The following SLC20A2 variants were observed in gnomAD, a reference collection of about 807,000 sequenced individuals.
The protein encoded by SLC20A2 is sodium-dependent phosphate transporter 2.
A neutral mutation model predicts 61.0 loss-of-function variants in SLC20A2; 30 were observed. The ratio of observed to expected loss-of-function variants is 0.49; its 90% CI spans 0.37 to 0.67. The LOEUF (loss-of-function observed/expected upper bound fraction) is 0.67. SLC20A2 is among the 30% of genes least tolerant of loss of function. The pLI, the probability that SLC20A2 is intolerant of heterozygous loss-of-function variation, is 0.00. For synonymous variants in SLC20A2, 351 were observed against 353.3 expected (o/e 0.99, Z 0.07); for missense variants, 626 against 866.4 (o/e 0.72, Z 3.48).
chr8:42,469,041 C>G (rs553937660), intron 2 of SLC20A2, among the ~76,000 whole-genome samples: 1 of 152,038 alleles, frequency 6.6e-6, no homozygotes, highest in African/African-American at 2.4e-5. Context: ...GAAGCACAGA[C>G]GCCCAGGGGC....
At chr8:42,458,063 C>A (rs1806353130) in intron 5 of SLC20A2, among the ~76,000 whole-genome samples, 1 of 152,052 alleles carries the variant, frequency 6.6e-6, no homozygotes, top group Non-Finnish European at 1.5e-5. Context: ...AGAGAGGGAG[C>A]CTTTTCTGTC....
chr8:42,468,954 A>G (rs1807404604), intron 2 of SLC20A2, among the ~76,000 whole-genome samples: 1 of 152,252 alleles, frequency 6.6e-6, no homozygotes. Flanking sequence ...TAGTCCCACA[A>G]GATGACTTGT....
intron 6 of SLC20A2, among the ~76,000 whole-genome samples, chr8:42,441,192 T>C (rs1373295594): frequency 6.7e-6 from 1 of 150,100 alleles, no homozygotes; most frequent in Non-Finnish European, 1.5e-5. Flanking sequence ...TTGCCCAGGC[T>C]AGAGTGCGCT....
chr8:42,425,506 C>A (rs2130940201), intron 10 of SLC20A2, among the ~76,000 whole-genome samples: 1 of 152,282 alleles, frequency 6.6e-6, no homozygotes, highest in South Asian at 2.1e-4. Flanking sequence ...CTGATGAGAG[C>A]CATCTGCTCT....
chr8:42,499,892 A>C (rs1454967986), intron 1 of SLC20A2, among the ~76,000 whole-genome samples: 2 of 152,234 alleles, frequency 1.3e-5, no homozygotes, highest in East Asian at 3.8e-4. Context: ...AAAATAGCCC[A>C]AGAACTCAGT....
intron 1 of SLC20A2, among the ~76,000 whole-genome samples, chr8:42,528,312 G>A (rs2923425): frequency 0.69 from 104,014 of 151,822 alleles, 36,481 homozygotes; most frequent in African/African-American, 0.84. Flanking sequence ...GTACAAAAAA[G>A]TTAGCCGGGC....
At chr8:42,432,826 T>A (rs1803964485) in intron 8 of SLC20A2, among the ~76,000 whole-genome samples, 1 of 152,228 alleles carries the variant, frequency 6.6e-6, no homozygotes, top group Admixed American at 6.5e-5. Context: ...TTAAGGTATG[T>A]ACATTGTTTT....
chr8:42,425,848 C>T (rs1213423998), intron 10 of SLC20A2, among the ~76,000 whole-genome samples: 2 of 152,190 alleles, frequency 1.3e-5, no homozygotes, highest in African/African-American at 4.8e-5. Flanking sequence ...CGAGACCATC[C>T]TGGCTAACAC....
At chr8:42,419,688 A>T in intron 10 of SLC20A2, 1 of 970,704 alleles carries the variant, frequency 1.0e-6, no homozygotes, top group Non-Finnish European at 1.2e-6. Context: ...CATAATGACA[A>T]ATAGTTTTAT....
chr8:42,475,294 C>T (rs147965376), intron 1 of SLC20A2, among the ~76,000 whole-genome samples: 16 of 151,908 alleles, frequency 1.1e-4, no homozygotes, highest in African/African-American at 3.1e-4. Flanking sequence ...GAGACGGGGT[C>T]GCCCTATGCT....
chr8:42,436,414 T>A (rs921873503), intron 8 of SLC20A2, among the ~76,000 whole-genome samples: 3 of 152,104 alleles, frequency 2.0e-5, no homozygotes, highest in African/African-American at 4.8e-5. Flanking sequence ...ACGGCTCCGA[T>A]CTTGGCAGCT....
rs373764434 is a variant in SLC20A2 at position 42,534,708 on chromosome 8, T to TA, written c.-265+7112dup. 1.5e-4 allele frequency: 23 copies of TA among 152,288 alleles called. 1 individual carries two copies. The highest frequency in any genetic ancestry group is 5.3e-4 in the African/African-American group (22 of 41,556). The allele number at this position is 152,288 out of a possible 1,614,324, so 9.4% of individuals were successfully genotyped here. A position where few individuals can be genotyped will look rare whatever the true frequency, so the allele number is the denominator to read the frequency against. Reference sequence around the variant, plus strand: ...GGCATATACAGAGGCTGGGAGTAGATAAAGGTGAAATTAAAGTCATAAGAG... The same window carrying TA: ...GGCATATACAGAGGCTGGGAGTAGATAAAAGGTGAAATTAAAGTCATAAGAG... On this transcript the variant is annotated intron_variant, in intron 1 of 10. Transcript: ENST00000342228.
chr8:42,482,579 T>C (rs533708460), intron 1 of SLC20A2, among the ~76,000 whole-genome samples: 2 of 152,182 alleles, frequency 1.3e-5, no homozygotes, highest in South Asian at 4.1e-4. Context: ...CGAAACCCCA[T>C]CCCTACTAAA....
At chr8:42,422,331 G>A (rs1803103671) in intron 10 of SLC20A2, among the ~76,000 whole-genome samples, 3 of 152,178 alleles carry the variant, frequency 2.0e-5, no homozygotes, top group Admixed American at 2.0e-4. Flanking sequence ...GGGATTACAG[G>A]CACGAGCCAC....
chr8:42,474,718 T>C (rs1807919717), intron 1 of SLC20A2, among the ~76,000 whole-genome samples: 1 of 152,154 alleles, frequency 6.6e-6, no homozygotes, highest in African/African-American at 2.4e-5. Context: ...CAAAAATGGA[T>C]GTGGTCCTGG....
intron 1 of SLC20A2, chr8:42,484,772 TAAAGGC>T: frequency 3.0e-6 from 1 of 338,582 alleles, no homozygotes; most frequent in African/African-American, 2.2e-5. Context: ...GCCAGGCAGC[TAAAGGC>T]TGCTCCCATA....
chr8:42,452,325 G>A (rs1428341344), intron 5 of SLC20A2, among the ~76,000 whole-genome samples: 2 of 141,226 alleles, frequency 1.4e-5, no homozygotes, highest in Non-Finnish European at 1.5e-5. Context: ...TGGAGGAGAA[G>A]AAAGAGATAG....
At chr8:42,523,847 G>A (rs142525008) in intron 1 of SLC20A2, among the ~76,000 whole-genome samples, 3,135 of 152,274 alleles carry the variant, frequency 0.021, 106 homozygotes, top group African/African-American at 0.071. Flanking sequence ...ATTCCCATCC[G>A]TGGCTTCGGC....
At position 42,520,446 on chromosome 8, in the gene SLC20A2, G is replaced by A. The variant is rs987692393; in HGVS notation, c.-265+21375C>T. Among the ~76,000 whole-genome samples the A allele has an allele frequency of 4.8e-4, 29 of 60,220 alleles. 3 individuals are homozygous for A. Among genetic ancestry groups the A allele is most frequent in the African/African-American group, 9.7e-4 (29 of 29,856 alleles). The allele number at this position is 60,220 out of a possible 152,430, so 39.5% of individuals were successfully genotyped here. Reference sequence around the variant, plus strand: ...ATATTTTAAAAGCCCGTTACTTGAGGCTGGGGGCGGTGGCTTACGCCTGTA... The same window carrying A: ...ATATTTTAAAAGCCCGTTACTTGAGACTGGGGGCGGTGGCTTACGCCTGTA... On this transcript the variant is annotated intron_variant, in intron 1 of 10. Transcript: ENST00000342228.
Sources: gnomAD v4.1 joint callset for allele counts (sites outside exome capture counted in the v4.1 genomes callset) on GRCh38, gnomAD v4.1.1 for gene constraint, MANE v1.5 for transcripts, NCBI Gene and HGNC (gene_info 2026-07-23, HGNC 2026-07-21) for gene names.